GOLIM4: variants seen among roughly 807,000 people sequenced by gnomAD.
GOLIM4 encodes the protein 130 kDa golgi-localized phosphoprotein.
In GOLIM4, 71 loss-of-function variants were observed where a neutral mutation model predicts 107.4. That is an observed-to-expected ratio of 0.66 (90% CI 0.55 to 0.81). The LOEUF is 0.81. Among genes scored for constraint, GOLIM4 ranks in the 30% least tolerant of loss-of-function variants. The pLI is 0.00. For synonymous variants in GOLIM4, 327 were observed against 294.8 expected (o/e 1.11, Z -1.12); for missense variants, 830 against 826.1 (o/e 1.00, Z -0.06).
chr3:168,078,161 T>C (rs1721161023), intron 1 of GOLIM4, among the ~76,000 whole-genome samples: 2 of 152,136 alleles, frequency 1.3e-5, no homozygotes, highest in African/African-American at 4.8e-5. Context: ...CTGTTAATTA[T>C]TTGAATATAA....
At chr3:168,018,091 G>A (rs542114674) in intron 14 of GOLIM4, among the ~76,000 whole-genome samples, 8 of 152,262 alleles carry the variant, frequency 5.3e-5, no homozygotes, top group African/African-American at 1.7e-4. Flanking sequence ...CAAAAAAACT[G>A]CTGAACATCG....
At chr3:168,024,808 TA>T in intron 13 of GOLIM4, 119 bp downstream of exon 13, 1 of 1,084,422 alleles carries the variant, frequency 9.2e-7, no homozygotes, top group Non-Finnish European at 1.4e-6. Flanking sequence ...TAAAGTGGCC[TA>T]AAAACCACCG....
chr3:168,089,483 T>C (rs1721789320), intron 1 of GOLIM4, among the ~76,000 whole-genome samples: 1 of 152,190 alleles, frequency 6.6e-6, no homozygotes, highest in Non-Finnish European at 1.5e-5. Flanking sequence ...CAAGATAACC[T>C]TTTGTAAGCA....
intron 5 of GOLIM4, 107 bp downstream of exon 5, chr3:168,043,272 G>A: frequency 1.4e-6 from 1 of 738,170 alleles, no homozygotes; most frequent in South Asian, 2.0e-5. Context: ...AGGACCACAT[G>A]ATAAATGTAA....
Position 168,027,803 on chromosome 3 carries a change from T to C in GOLIM4, c.1548A>G (p.Ala516=), listed in dbSNP as rs1480810170. ...CATGTCTATTACCTGGATCTCCTTC[T>C]GCTTCATCTTGGTGCTGGTTGTCTC... is the stretch of plus-strand genomic sequence containing the variant. ...YERDNQHQDE[A]EGDPGNRHEP... Residue 516 remains alanine, a synonymous_variant, in exon 12 of 16, where the codon GCA becomes GCG. Transcript: ENST00000470487. The C allele has an allele frequency of 1.2e-6, 2 of 1,613,324 alleles. No homozygotes were observed. The highest frequency in any genetic ancestry group is 2.2e-5 in the South Asian group (2 of 91,062).
chr3:168,029,209 G>A lies in GOLIM4; in HGVS notation c.1513+14C>T. On this transcript the variant is annotated intron_variant, in intron 11 of 15. Coordinates refer to ENST00000470487, the MANE Select transcript of GOLIM4 (RefSeq NM_014498.5). The stretch of plus-strand genomic sequence containing the variant: ...AATTTATTAAAACATTCATCATCTA[G>A]GAAGTCTCACCACCTCCTTCCTCTC... The A allele has an allele frequency of 6.7e-7, 1 of 1,501,440 alleles. No homozygotes were observed. The highest frequency in any genetic ancestry group is 9.3e-7 in the Non-Finnish European group (1 of 1,079,486). 93.0% of individuals were successfully genotyped at this position (1,501,440 alleles called of 1,614,324 possible).
chr3:168,090,420 G>C (rs979138548), intron 1 of GOLIM4, among the ~76,000 whole-genome samples: 1 of 152,140 alleles, frequency 6.6e-6, no homozygotes. Context: ...AGGAAAAAAT[G>C]CTCAACATCA....
chr3:168,046,524 A>G (rs1457794576), intron 3 of GOLIM4, among the ~76,000 whole-genome samples: 1 of 152,204 alleles, frequency 6.6e-6, no homozygotes, highest in African/African-American at 2.4e-5. Flanking sequence ...TGCTGCCTTC[A>G]AGTAAAATAT....
Position 168,009,222 on chromosome 3 carries a change from G to A in GOLIM4, c.*1047C>T, listed in dbSNP as rs1037789099. ...TAGGCAAAAAGCAGACCCAATCCCAGCAAACAGAAAAACCATAAGTCTATC... is the reference window on the plus strand; with the variant it reads ...TAGGCAAAAAGCAGACCCAATCCCAACAAACAGAAAAACCATAAGTCTATC... On this transcript the variant is annotated 3_prime_UTR_variant, in exon 16 of 16. Coordinates refer to ENST00000470487, the MANE Select transcript of GOLIM4 (RefSeq NM_014498.5). 1 of 151,786 alleles carries A rather than the reference G, an allele frequency of 6.6e-6. No individual in the cohort carries two copies. Among genetic ancestry groups the A allele is most frequent in the Non-Finnish European group, 1.5e-5 (1 of 67,934 alleles). 9.4% of individuals were successfully genotyped at this position (151,786 alleles called of 1,614,324 possible).
intron 1 of GOLIM4, among the ~76,000 whole-genome samples, chr3:168,059,327 TCTC>T (rs1720137836): frequency 6.6e-6 from 1 of 152,172 alleles, no homozygotes; most frequent in African/African-American, 2.4e-5. Flanking sequence ...ACCACTGTCT[TCTC>T]CTTCAAATCA....
At chr3:168,024,659 T>C (rs1717898773) in intron 13 of GOLIM4, 65 bp from the exon 14 acceptor site, 16 of 1,300,884 alleles carry the variant, frequency 1.2e-5, no homozygotes, top group Non-Finnish European at 1.8e-5. Flanking sequence ...CACAGTACTC[T>C]GGGACAAAGA....
chr3:168,032,616 T>A lies in GOLIM4; in HGVS notation c.1080A>T (p.Glu360Asp), dbSNP rs754514105. 9 of 1,613,924 alleles carry A rather than the reference T, an allele frequency of 5.6e-6. No individual in the cohort carries two copies. Among genetic ancestry groups the A allele is most frequent in the Non-Finnish European group, 7.6e-6 (9 of 1,180,000 alleles). Reference protein sequence around the residue: ...QVGQAEHLEEEHDPSPEEQDR... With the variant: ...QVGQAEHLEEDHDPSPEEQDR... ...CCTGCTCCTCTGGTGATGGATCGTGTTCCTCCTCAAGATGTTCTGCTTGCC... is the reference window on the plus strand; with the variant it reads ...CCTGCTCCTCTGGTGATGGATCGTGATCCTCCTCAAGATGTTCTGCTTGCC... The change falls in exon 9 of 16, where the codon GAA (glutamate) becomes GAT (aspartate). Residue 360 changes from glutamate (E) to aspartate (D), a missense_variant. Physicochemically the swap from Glu to Asp is conservative, Grantham distance 45. Transcript: ENST00000470487.
At chr3:168,066,893 G>A (rs1031227824) in intron 1 of GOLIM4, among the ~76,000 whole-genome samples, 1 of 152,088 alleles carries the variant, frequency 6.6e-6, no homozygotes, top group Non-Finnish European at 1.5e-5. Flanking sequence ...CTGAATTTCT[G>A]AAGAGTTATT....
intron 1 of GOLIM4, among the ~76,000 whole-genome samples, chr3:168,062,606 T>C (rs1720334656): frequency 6.6e-6 from 1 of 152,204 alleles, no homozygotes; most frequent in Non-Finnish European, 1.5e-5. Context: ...ACAAATGCTC[T>C]ATTTAAAATA....
At chr3:168,028,596 AC>A (rs1718138743) in intron 11 of GOLIM4, among the ~76,000 whole-genome samples, 2 of 152,234 alleles carry the variant, frequency 1.3e-5, no homozygotes, top group African/African-American at 4.8e-5. Flanking sequence ...CTCTAGTCTT[AC>A]TGATATGAGA....
intron 11 of GOLIM4, 41 bp from the exon 12 acceptor site, chr3:168,027,878 A>C (rs1343802053): frequency 2.4e-6 from 3 of 1,274,568 alleles, no homozygotes; most frequent in Non-Finnish European, 3.4e-6. Flanking sequence ...AAAATGAATC[A>C]AACAGGATTT....
chr3:168,066,992 C>G (rs1344498161), intron 1 of GOLIM4, among the ~76,000 whole-genome samples: 1 of 152,070 alleles, frequency 6.6e-6, no homozygotes, highest in Non-Finnish European at 1.5e-5. Context: ...TTGAAATTTA[C>G]TTTTAAATCC....
chr3:168,084,355 G>A (rs552885085), intron 1 of GOLIM4, among the ~76,000 whole-genome samples: 1 of 152,278 alleles, frequency 6.6e-6, no homozygotes, highest in African/African-American at 2.4e-5. Context: ...CTAGCAATGT[G>A]AGAACAGACT....
At chr3:168,039,818 G>T (rs1324270295) in intron 7 of GOLIM4, among the ~76,000 whole-genome samples, 1 of 152,046 alleles carries the variant, frequency 6.6e-6, no homozygotes, top group Admixed American at 6.5e-5. Flanking sequence ...GAAATGAAAT[G>T]ATCCCTGACG....
Sources: gnomAD v4.1 joint callset for allele counts (sites outside exome capture counted in the v4.1 genomes callset) on GRCh38, gnomAD v4.1.1 for gene constraint, MANE v1.5 for transcripts, NCBI Gene and HGNC (gene_info 2026-07-23, HGNC 2026-07-21) for gene names.